The following CELSR1 variants were observed in gnomAD, a reference collection of about 807,000 sequenced individuals.
CELSR1 encodes adhesion G protein-coupled receptor C1.
A neutral mutation model predicts 249.1 loss-of-function variants in CELSR1; 110 were observed. The ratio of observed to expected loss-of-function variants is 0.44; its 90% confidence interval spans 0.38 to 0.52. CELSR1 has a LOEUF of 0.52. Among genes scored for constraint, CELSR1 ranks in the 20% least tolerant of loss-of-function variants. The probability of loss-of-function intolerance (pLI) is 0.00; values close to 1 mark genes in which losing one functional copy is unlikely to be tolerated. For synonymous variants in CELSR1, 2,113 were observed against 1,900.0 expected, an observed-to-expected ratio of 1.11 and a Z score of -2.92; for missense variants, 4,109 against 4,296.4, an observed-to-expected ratio of 0.96 and a Z score of 1.22.
At chr22:46,525,130 G>A (rs1454163799) in intron 1 of CELSR1, among the ~76,000 whole-genome samples, 1 of 152,236 alleles carries the variant, frequency 6.6e-6, no homozygotes, top group African/African-American at 2.4e-5. Context: ...ACAAGCAAGA[G>A]GAAGGCTGGG....
chr22:46,473,786 G>A lies in CELSR1; in HGVS notation c.3545-9441C>T, dbSNP rs2080179626. ...CCATTCAAAGCCAGGGAACTTTGAA[G>A]TGGCTGTGTGCGTCTCTCTCTCTTC... On this transcript the variant is annotated intron_variant, in intron 1 of 34. Transcript: ENST00000674500. The surrounding 1 kb of genome is among the most constrained non-coding windows in gnomAD (Gnocchi z 6.6). Among the ~76,000 whole-genome samples, 2 of 152,212 alleles carry A rather than the reference G, an allele frequency of 1.3e-5. No individual in the cohort carries two copies. Among genetic ancestry groups the A allele is most frequent in the African/African-American group, 2.4e-5 (1 of 41,452 alleles).
At chr22:46,373,504 CGCCCAGCGCTCTGGGAGGGGCAGCTTCGT>C (rs1270615703) in intron 24 of CELSR1, among the ~76,000 whole-genome samples, 2 of 149,844 alleles carry the variant, frequency 1.3e-5, no homozygotes, top group Non-Finnish European at 3.0e-5. Context: ...GGCAGCTTCA[CGCCCAGCGCTCTGGGAGGGGCAGCTTCGT>C]GCCCAGTGCT....
At chr22:46,498,562 G>A (rs2080437407) in intron 1 of CELSR1, among the ~76,000 whole-genome samples, 1 of 150,354 alleles carries the variant, frequency 6.7e-6, no homozygotes, top group Admixed American at 6.6e-5. Flanking sequence ...GTAGTGAGCT[G>A]AGATTGTCCC....
At chr22:46,451,859 G>A (rs1484022371) in intron 2 of CELSR1, among the ~76,000 whole-genome samples, 3 of 152,320 alleles carry the variant, frequency 2.0e-5, no homozygotes, top group South Asian at 2.1e-4. Context: ...GAGGCAATCC[G>A]ATTAGCAGGT....
intron 28 of CELSR1, 130 bp from the exon 29 acceptor site, chr22:46,367,248 G>T: frequency 1.6e-6 from 2 of 1,264,954 alleles, no homozygotes; most frequent in Non-Finnish European, 2.1e-6. Context: ...CCAGGACACG[G>T]CCAGGCCTCC....
intron 9 of CELSR1, among the ~76,000 whole-genome samples, chr22:46,404,521 G>GATC (rs2079243986): frequency 6.6e-6 from 1 of 152,074 alleles, no homozygotes; most frequent in African/African-American, 2.4e-5. Context: ...GAGAAAACAG[G>GATC]ATACAGGTTT....
rs2079680606 is a variant in CELSR1 at position 46,437,717 on chromosome 22, G to A, written c.4407-1428C>T. Reference sequence around the variant, plus strand: ...AGTGAGCCGAGATCATACCACCACTGCACTCCAGCCTGGCAACAAAGCAAG... The same window carrying A: ...AGTGAGCCGAGATCATACCACCACTACACTCCAGCCTGGCAACAAAGCAAG... On this transcript the variant is annotated intron_variant, in intron 3 of 34. Transcript: ENST00000674500. The surrounding 1 kb of genome is among the most constrained non-coding windows in gnomAD (Gnocchi z 4.9). Among the ~76,000 whole-genome samples the A allele has an allele frequency of 6.7e-6, 1 of 149,352 alleles. No homozygotes were observed. Among genetic ancestry groups the A allele is most frequent in the South Asian group, 2.1e-4 (1 of 4,776 alleles).
chr22:46,430,112 G>T lies in CELSR1; in HGVS notation c.4611+3281C>A, dbSNP rs9616006. Among the ~76,000 whole-genome samples, 1 of 152,128 alleles carries T rather than the reference G, an allele frequency of 6.6e-6. No homozygotes were observed. The highest frequency in any genetic ancestry group is 1.5e-5 in the Non-Finnish European group (1 of 68,012). On this transcript the variant is annotated intron_variant, in intron 5 of 34. Transcript: ENST00000674500. This position sits in a 1 kb window ranked among gnomAD's most constrained non-coding sequence, Gnocchi z 4.6. ...GAGGCCACTCTGACAGGCAACACCC[G>T]GGAGATCATGCTCAGATCTAAAATG...
chr22:46,496,331 G>A (rs1230264151), intron 1 of CELSR1, among the ~76,000 whole-genome samples: 4 of 152,084 alleles, frequency 2.6e-5, no homozygotes, highest in Non-Finnish European at 5.9e-5. Flanking sequence ...ACTTTGGGAG[G>A]CCGAGGCAGG....
Position 46,396,831 on chromosome 22 carries a change from A to G in CELSR1, c.5702-85T>C. 6.5e-7 allele frequency: 1 copy of G among 1,527,724 alleles called. No individual in the cohort carries two copies. 94.6% of individuals were successfully genotyped at this position (1,527,724 alleles called of 1,614,324 possible). A position where few individuals can be genotyped will look rare whatever the true frequency, so the allele number is the denominator to read the frequency against. On this transcript the variant is annotated intron_variant, in intron 12 of 34. Transcript: ENST00000674500. The surrounding 1 kb of genome is among the most constrained non-coding windows in gnomAD (Gnocchi z 6.4). ...ATATCTGGAGCAACCTGTCCCCTCC[A>G]GAAGATCTGACTTTCCCTGGTACTC...
At chr22:46,470,239 T>C (rs2080142611) in intron 1 of CELSR1, among the ~76,000 whole-genome samples, 1 of 151,566 alleles carries the variant, frequency 6.6e-6, no homozygotes, top group Non-Finnish European at 1.5e-5. Flanking sequence ...TCTGGCCCAA[T>C]ACGCAAAGGC....
intron 2 of CELSR1, among the ~76,000 whole-genome samples, chr22:46,457,806 G>A (rs1396173878): frequency 6.6e-6 from 1 of 152,228 alleles, no homozygotes; most frequent in Non-Finnish European, 1.5e-5. Flanking sequence ...AAGGGGCAGA[G>A]GAGACAGGGA....
intron 2 of CELSR1, among the ~76,000 whole-genome samples, chr22:46,456,447 CAGG>C (rs1209283641): frequency 1.3e-5 from 2 of 151,976 alleles, no homozygotes; most frequent in African/African-American, 4.8e-5. Context: ...ATCACGAGGT[CAGG>C]AGATCGAGAC....
chr22:46,450,300 A>C (rs1269752313), intron 2 of CELSR1, among the ~76,000 whole-genome samples: 1 of 152,164 alleles, frequency 6.6e-6, no homozygotes, highest in African/African-American at 2.4e-5. Context: ...CGTGCTACCA[A>C]CTCGGCCCTG....
chr22:46,533,639 C>T lies in CELSR1; in HGVS notation c.3532G>A (p.Val1178Met). The T allele has an allele frequency of 1.3e-6, 2 of 1,573,702 alleles. No individual in the cohort carries two copies. Among genetic ancestry groups the T allele is most frequent in the Non-Finnish European group, 1.7e-6 (2 of 1,163,860 alleles). The change falls in exon 1 of 35, where the codon GTG becomes ATG. Residue 1178 changes from valine to methionine, a missense_variant. By Grantham distance (21) the Val-to-Met change is conservative. Transcript: ENST00000674500. The part of the protein sequence containing the change: ...NNRPLEALME[V>M]SVSDGIHSVT... ...GACGGCCACTCACCAGACACAGACA[C>T]CTCCATGAGCGCCTCCAGCGGCCGG...
At chr22:46,507,233 G>A (rs750567153) in intron 1 of CELSR1, among the ~76,000 whole-genome samples, 8 of 152,096 alleles carry the variant, frequency 5.3e-5, no homozygotes, top group South Asian at 2.1e-4. Context: ...TGGAGCCACC[G>A]GGGCAGCAAC....
At position 46,512,028 on chromosome 22, in the gene CELSR1, C is replaced by T. The variant is rs1440530479; in HGVS notation, c.3544+21599G>A. Among the ~76,000 whole-genome samples, 1 of 152,090 alleles carries T rather than the reference C, an allele frequency of 6.6e-6. No homozygotes were observed. Among genetic ancestry groups the T allele is most frequent in the Non-Finnish European group, 1.5e-5 (1 of 68,012 alleles). On this transcript the variant is annotated intron_variant, in intron 1 of 34. Coordinates refer to ENST00000674500, the MANE Select transcript of CELSR1 (RefSeq NM_001378328.1). This position sits in a 1 kb window ranked among gnomAD's most constrained non-coding sequence, Gnocchi z 5.2. The stretch of plus-strand genomic sequence containing the variant: ...TGTCCTTCATGCTGCCTCCGAGAAA[C>T]GCAGCAAGTCATTCAGGTTCTGGGG...
At chr22:46,366,274 T>C (rs1282761178) in intron 30 of CELSR1, 112 bp downstream of exon 30, 3 of 351,834 alleles carry the variant, frequency 8.5e-6, no homozygotes, top group East Asian at 2.0e-4. Context: ...GGGTGGAAAG[T>C]TGGGGGTGGA....
rs1385600014 is a variant in CELSR1 at position 46,509,892 on chromosome 22, G to GCGT, written c.3544+23732_3544+23734dup. Among the ~76,000 whole-genome samples the GCGT allele has an allele frequency of 2.6e-5, 4 of 152,348 alleles. No homozygotes were observed. The East Asian group carries it at 7.7e-4, about 29-fold the overall frequency. ...GAGTCCTTCTCCAAGATGTCATGAT[G>GCGT]CGTCCAGTGAGGAACGAAAGACACG... On this transcript the variant is annotated intron_variant, in intron 1 of 34. Transcript: ENST00000674500.
Sources: gnomAD v4.1 joint callset for allele counts (sites outside exome capture counted in the v4.1 genomes callset) on GRCh38, gnomAD v4.1.1 for gene constraint, Gnocchi (gnomAD v3.1) non-coding constraint, MANE v1.5 for transcripts, NCBI Gene and HGNC (gene_info 2026-07-23, HGNC 2026-07-21) for gene names.